The following ITGA9 variants were observed in gnomAD, a reference collection of about 807,000 sequenced individuals.
The protein encoded by ITGA9 is integrin subunit alpha 9.
A neutral mutation model predicts 127.8 loss-of-function variants in ITGA9; 56 were observed. The ratio of observed to expected loss-of-function variants is 0.44; its 90% CI spans 0.35 to 0.55. The LOEUF (loss-of-function observed/expected upper bound fraction) is 0.55, where lower values mean the gene tolerates loss of function less well. ITGA9 is among the 20% of genes least tolerant of loss of function. The pLI is 0.00. For missense variants in ITGA9, 1,196 were observed against 1,347.1 expected, an observed-to-expected ratio of 0.89 and a Z score of 1.76; for synonymous variants, 508 against 514.5, an observed-to-expected ratio of 0.99 and a Z score of 0.17.
intron 16 of ITGA9, among the ~76,000 whole-genome samples, chr3:37,642,166 G>GC (rs2125641977): frequency 1.3e-5 from 2 of 152,054 alleles, no homozygotes; most frequent in Admixed American, 1.3e-4. Flanking sequence ...GGCTGGTCTT[G>GC]AACTCCTAGG....
intron 16 of ITGA9, among the ~76,000 whole-genome samples, chr3:37,632,516 A>T (rs772677112): frequency 1.6e-4 from 25 of 152,346 alleles, no homozygotes; most frequent in Admixed American, 8.5e-4. Context: ...TAATAAGAAA[A>T]GAGAAAGAAG....
rs1216762912 is a variant in ITGA9, at chr3:37,494,548, A to C, written c.592A>C (p.Ile198Leu). 6.2e-7 allele frequency: 1 copy of C among 1,613,744 alleles called. No individual in the cohort carries two copies. Among genetic ancestry groups the C allele is most frequent in the Non-Finnish European group, 8.5e-7 (1 of 1,179,780 alleles). The change falls in exon 5 of 28, where the codon ATA becomes CTA. Residue 198 changes from isoleucine (I) to leucine (L), a missense_variant. By Grantham distance (5) the Ile-to-Leu change is conservative. Transcript: ENST00000264741. The part of the protein sequence containing the change: ...GEEHGSCQAG[I>L]AGFFTEELVV... ...GGAACACGGCTCCTGCCAGGCTGGG[A>C]TAGCGGGCTTCTTCACCGAGGTGGG... is the stretch of plus-strand genomic sequence containing the variant.
intron 18 of ITGA9, among the ~76,000 whole-genome samples, chr3:37,693,665 C>G: frequency 6.6e-6 from 1 of 152,112 alleles, no homozygotes; most frequent in East Asian, 1.9e-4. Flanking sequence ...GTGCTTTGGC[C>G]TGTTTTTAGA....
intron 15 of ITGA9, among the ~76,000 whole-genome samples, chr3:37,587,502 C>T (rs945745851): frequency 6.6e-6 from 1 of 152,066 alleles, no homozygotes; most frequent in African/African-American, 2.4e-5. Flanking sequence ...TTGTAATATC[C>T]TTCAAAAAAC....
At chr3:37,630,709 AC>A (rs2125636055) in intron 16 of ITGA9, among the ~76,000 whole-genome samples, 1 of 152,162 alleles carries the variant, frequency 6.6e-6, no homozygotes, top group African/African-American at 2.4e-5. Flanking sequence ...ATCAAAACAC[AC>A]CCTCTGGGGA....
chr3:37,494,505 TAAG>T lies in ITGA9; in HGVS notation c.556_558del (p.Lys186del). 9 of 1,611,424 alleles carry T rather than the reference TAAG, an allele frequency of 5.6e-6. No individual in the cohort carries two copies. Among genetic ancestry groups the T allele is most frequent in the Non-Finnish European group, 7.6e-6 (9 of 1,177,624 alleles). Reference sequence around the variant, plus strand: ...TCTCTCCTTCCTTCCCCCTAGAGTATAAGAAGAAGTACGGAGAGGAACACGGCT... The same window carrying T: ...TCTCTCCTTCCTTCCCCCTAGAGTATAAGAAGTACGGAGAGGAACACGGCT... On this transcript the variant is annotated inframe_deletion, in exon 5 of 28. Transcript: ENST00000264741.
At chr3:37,497,444 A>G (rs1579065534) in intron 5 of ITGA9, among the ~76,000 whole-genome samples, 1 of 151,984 alleles carries the variant, frequency 6.6e-6, no homozygotes, top group Non-Finnish European at 1.5e-5. Flanking sequence ...TCTACAACAC[A>G]TGTCTGGGCT....
chr3:37,568,950 A>C (rs1424631319), intron 15 of ITGA9, among the ~76,000 whole-genome samples: 1 of 152,132 alleles, frequency 6.6e-6, no homozygotes. Context: ...AGATATCTTC[A>C]CAGCAATAGC....
chr3:37,718,391 T>G (rs1202454944), intron 18 of ITGA9, among the ~76,000 whole-genome samples: 2 of 152,146 alleles, frequency 1.3e-5, no homozygotes, highest in African/African-American at 4.8e-5. Context: ...CATAGGAGGC[T>G]CCAGACAACT....
At chr3:37,759,903 CA>C (rs1162012330) in intron 23 of ITGA9, among the ~76,000 whole-genome samples, 5 of 132,502 alleles carry the variant, frequency 3.8e-5, no homozygotes, top group African/African-American at 2.8e-5. Context: ...GACTCCATCT[CA>C]AAAAAAAAAC....
At chr3:37,589,217 A>T (rs928672785) in intron 15 of ITGA9, among the ~76,000 whole-genome samples, 1 of 152,212 alleles carries the variant, frequency 6.6e-6, no homozygotes, top group African/African-American at 2.4e-5. Flanking sequence ...AATTGTAGCC[A>T]CTGTGACTGG....
chr3:37,480,315 A>G (rs1428736699), intron 3 of ITGA9, among the ~76,000 whole-genome samples: 1 of 152,180 alleles, frequency 6.6e-6, no homozygotes, highest in Non-Finnish European at 1.5e-5. Flanking sequence ...GCCCTGCCTC[A>G]TGGTGTCTTG....
intron 23 of ITGA9, among the ~76,000 whole-genome samples, chr3:37,767,469 C>T (rs1696792821): frequency 6.6e-6 from 1 of 152,144 alleles, no homozygotes; most frequent in Admixed American, 6.5e-5. Context: ...CGATCTTTTC[C>T]TTTCTGTGCT....
intron 15 of ITGA9, among the ~76,000 whole-genome samples, chr3:37,564,694 T>C (rs1699528052): frequency 6.6e-6 from 1 of 152,252 alleles, no homozygotes; most frequent in Non-Finnish European, 1.5e-5. Context: ...GCCCCTTTAA[T>C]TCAACAGGCA....
intron 15 of ITGA9, among the ~76,000 whole-genome samples, chr3:37,605,171 A>G (rs186247549): frequency 6.6e-6 from 1 of 152,256 alleles, no homozygotes; most frequent in East Asian, 1.9e-4. Flanking sequence ...GCAAATGCCC[A>G]TGGTTTGGAG....
intron 18 of ITGA9, among the ~76,000 whole-genome samples, chr3:37,695,573 C>A (rs1030997741): frequency 4.6e-5 from 7 of 152,206 alleles, no homozygotes; most frequent in Admixed American, 1.3e-4. Context: ...CCGTCACCAT[C>A]CAGCTTGCCA....
chr3:37,568,226 G>C (rs1018538379), intron 15 of ITGA9, among the ~76,000 whole-genome samples: 9 of 152,250 alleles, frequency 5.9e-5, no homozygotes, highest in African/African-American at 2.2e-4. Flanking sequence ...AGCTCAAGCT[G>C]TACCTTGGCC....
intron 19 of ITGA9, among the ~76,000 whole-genome samples, chr3:37,735,697 C>T: frequency 6.6e-6 from 1 of 152,202 alleles, no homozygotes; most frequent in Non-Finnish European, 1.5e-5. Context: ...CACATTCTCA[C>T]ACATGCCTGA....
intron 18 of ITGA9, among the ~76,000 whole-genome samples, chr3:37,712,091 A>C (rs533125144): frequency 6.6e-6 from 1 of 151,970 alleles, no homozygotes; most frequent in African/African-American, 2.4e-5. Context: ...TTCAGCTTAG[A>C]ATGTGCCAGG....
Sources: gnomAD v4.1 joint callset for allele counts (sites outside exome capture counted in the v4.1 genomes callset) on GRCh38, gnomAD v4.1.1 for gene constraint, MANE v1.5 for transcripts, NCBI Gene and HGNC (gene_info 2026-07-23, HGNC 2026-07-21) for gene names.